Variants in TUSC3 observed in about 807,000 individuals in gnomAD.
The protein encoded by TUSC3 is dolichyl-diphosphooligosaccharide--protein glycosyltransferase subunit TUSC3.
A neutral mutation model predicts 44.8 loss-of-function variants in TUSC3; 45 were observed. The observed-to-expected ratio is 1.00, with a 90% CI of 0.79 to 1.29. TUSC3 has a LOEUF of 1.29. TUSC3 is among the 50% of genes most tolerant of loss of function. The pLI, the probability that TUSC3 is intolerant of heterozygous loss-of-function variation, is 0.00. For synonymous variants in TUSC3, 212 were observed against 152.9 expected (o/e 1.39, Z -2.85); for missense variants, 519 against 437.9 (o/e 1.19, Z -1.65).
intron 2 of TUSC3, among the ~76,000 whole-genome samples, chr8:15,644,689 A>AT (rs560037687): frequency 4.5e-4 from 67 of 148,706 alleles, no homozygotes; most frequent in African/African-American, 9.6e-4. Flanking sequence ...ATTGGGGCAC[A>AT]TTTTTTTTTT....
intron 1 of TUSC3, among the ~76,000 whole-genome samples, chr8:15,603,497 G>T (rs1371540539): frequency 6.6e-6 from 1 of 151,552 alleles, no homozygotes; most frequent in African/African-American, 2.4e-5. Flanking sequence ...TGACAGTCTG[G>T]TGAATGAAGC....
At chr8:15,792,358 T>A in the TUSC3 span, among the ~76,000 whole-genome samples, 1 of 152,162 alleles carries the variant, frequency 6.6e-6, no homozygotes, top group Non-Finnish European at 1.5e-5. Flanking sequence ...ATCAGGCTGA[T>A]GTTACTGAGT....
At chr8:15,816,516 A>G in the TUSC3 span, among the ~76,000 whole-genome samples, 11 of 152,290 alleles carry the variant, frequency 7.2e-5, no homozygotes, top group East Asian at 2.1e-3. Flanking sequence ...GGTGACTGCC[A>G]GCAATGAGTA....
chr8:15,799,831 CTCA>C, the TUSC3 span, among the ~76,000 whole-genome samples: 1 of 152,128 alleles, frequency 6.6e-6, no homozygotes, highest in African/African-American at 2.4e-5. Flanking sequence ...GTCGATAGAC[CTCA>C]TAAGACCCCA....
At chr8:15,532,746 G>T (rs1801467148) in intron 2 of TUSC3, among the ~76,000 whole-genome samples, 1 of 152,138 alleles carries the variant, frequency 6.6e-6, no homozygotes, top group South Asian at 2.1e-4. Flanking sequence ...CTGATTCACG[G>T]GGGCAGGTCT....
intron 3 of TUSC3, among the ~76,000 whole-genome samples, chr8:15,653,171 G>A (rs371418466): frequency 1.3e-5 from 2 of 152,130 alleles, no homozygotes; most frequent in African/African-American, 4.8e-5. Context: ...TGTCATTGTT[G>A]AGGAAGCAGT....
At chr8:15,484,274 A>G (rs1262863238) in intron 2 of TUSC3, among the ~76,000 whole-genome samples, 1 of 152,168 alleles carries the variant, frequency 6.6e-6, no homozygotes, top group Non-Finnish European at 1.5e-5. Context: ...TCAAATGTCC[A>G]CTCTGCTCTA....
chr8:15,421,299 C>G (rs1799735257), intron 1 of TUSC3, among the ~76,000 whole-genome samples: 1 of 152,170 alleles, frequency 6.6e-6, no homozygotes, highest in African/African-American at 2.4e-5. Flanking sequence ...ACATCCGACT[C>G]TATTACCTTT....
At chr8:15,720,388 A>G (rs1015940922) in intron 6 of TUSC3, among the ~76,000 whole-genome samples, 4 of 152,098 alleles carry the variant, frequency 2.6e-5, no homozygotes, top group Admixed American at 2.6e-4. Flanking sequence ...CTCAACCAGT[A>G]ACACTCATTA....
At chr8:15,540,716 C>T (rs1801657927) in intron 1 of TUSC3, 148 bp downstream of exon 1, 5 of 1,143,188 alleles carry the variant, frequency 4.4e-6, no homozygotes, top group Non-Finnish European at 4.8e-6. Flanking sequence ...GGGTGGGAGG[C>T]CCTGGGGCGT....
At chr8:15,667,663 G>A (rs1177760553) in intron 5 of TUSC3, among the ~76,000 whole-genome samples, 1 of 151,528 alleles carries the variant, frequency 6.6e-6, no homozygotes, top group Non-Finnish European at 1.5e-5. Flanking sequence ...AAATTAACTC[G>A]TGGTCTTAAT....
chr8:15,463,840 A>G (rs1800379854), intron 1 of TUSC3, among the ~76,000 whole-genome samples: 1 of 152,214 alleles, frequency 6.6e-6, no homozygotes. Context: ...ACCCCAGAAT[A>G]TGCTGTAACA....
chr8:15,562,536 G>A (rs150142701), intron 1 of TUSC3, among the ~76,000 whole-genome samples: 43 of 152,242 alleles, frequency 2.8e-4, no homozygotes, highest in African/African-American at 9.6e-4. Flanking sequence ...AGAAGTCTGG[G>A]CATGGTGTAG....
the TUSC3 span, chr8:15,806,658 G>T: frequency 8.6e-7 from 1 of 1,158,744 alleles, no homozygotes; most frequent in Non-Finnish European, 1.3e-6. Context: ...GGTGAGACAA[G>T]CTGCCCAGTA....
At chr8:15,519,520 A>T (rs1229003284) in intron 2 of TUSC3, among the ~76,000 whole-genome samples, 3 of 152,136 alleles carry the variant, frequency 2.0e-5, no homozygotes, top group African/African-American at 7.2e-5. Flanking sequence ...ACAAGCCAGC[A>T]TTATGACCTG....
intron 2 of TUSC3, among the ~76,000 whole-genome samples, chr8:15,505,570 G>A (rs747107220): frequency 6.6e-6 from 1 of 152,060 alleles, no homozygotes; most frequent in Non-Finnish European, 1.5e-5. Flanking sequence ...CTTTACTACA[G>A]TATGTCCCAA....
rs60092911 is a variant in TUSC3 at position 15,483,649 on chromosome 8, A to ATTTT, written n.189+187_189+190dup. Among the ~76,000 whole-genome samples, 24 of 66,150 alleles carry ATTTT rather than the reference A, an allele frequency of 3.6e-4. 1 individual carries two copies. Among genetic ancestry groups the ATTTT allele is most frequent in the East Asian group, 2.7e-3 (4 of 1,490 alleles). 43.4% of individuals were successfully genotyped at this position (66,150 alleles called of 152,430 possible). A position where few individuals can be genotyped will look rare whatever the true frequency, so the allele number is the denominator to read the frequency against. ...CCGTCGTGCCCAGCCTAGCACTGTG[A>ATTTT]TTTTTTTTTTTTTTTTTTTTTTTTG... On this transcript the variant is annotated intron_variant and non_coding_transcript_variant, in intron 2 of 5. Coordinates refer to the TUSC3 transcript ENST00000503191.
chr8:15,570,890 T>A (rs1474487566), intron 1 of TUSC3, among the ~76,000 whole-genome samples: 1 of 150,988 alleles, frequency 6.6e-6, no homozygotes, highest in East Asian at 1.9e-4. Flanking sequence ...GTTCAAAATA[T>A]ATATTTGATC....
chr8:15,438,874 C>A (rs1407000269), intron 1 of TUSC3, among the ~76,000 whole-genome samples: 1 of 152,152 alleles, frequency 6.6e-6, no homozygotes, highest in Non-Finnish European at 1.5e-5. Flanking sequence ...ACACACAGTA[C>A]ATTCAATTTA....
Sources: gnomAD v4.1 joint callset for allele counts (sites outside exome capture counted in the v4.1 genomes callset) on GRCh38, gnomAD v4.1.1 for gene constraint, MANE v1.5 for transcripts, NCBI Gene and HGNC (gene_info 2026-07-23, HGNC 2026-07-21) for gene names.